The following RNF13 variants were observed in gnomAD, a reference collection of about 807,000 sequenced individuals.
RNF13 encodes E3 ubiquitin-protein ligase RNF13.
RNF13 carries 19 observed loss-of-function variants against 37.7 expected under a neutral mutation model. That is an observed-to-expected ratio of 0.50 (90% CI 0.35 to 0.74). The LOEUF (loss-of-function observed/expected upper bound fraction) is 0.74, where lower values mean the gene tolerates loss of function less well. Among genes scored for constraint, RNF13 ranks in the 30% least tolerant of loss-of-function variants. RNF13 has a pLI of 0.01. For synonymous variants in RNF13, 144 were observed against 157.8 expected (o/e 0.91, Z 0.65); for missense variants, 375 against 453.0 (o/e 0.83, Z 1.56).
intron 8 of RNF13, among the ~76,000 whole-genome samples, chr3:149,940,704 TAAC>T (rs1475719745): frequency 2.6e-5 from 4 of 152,158 alleles, no homozygotes; most frequent in South Asian, 2.1e-4. Flanking sequence ...GAAAAACACA[TAAC>T]AATAAATTTA....
At chr3:149,852,122 G>C (rs1414727264) in intron 2 of RNF13, among the ~76,000 whole-genome samples, 1 of 152,116 alleles carries the variant, frequency 6.6e-6, no homozygotes, top group Admixed American at 6.5e-5. Context: ...TTCATAGCTA[G>C]AGCCAGAAAT....
chr3:149,871,284 C>G (rs919634683), intron 3 of RNF13, among the ~76,000 whole-genome samples: 19 of 151,786 alleles, frequency 1.3e-4, no homozygotes, highest in African/African-American at 4.6e-4. Context: ...TCAGGTGATC[C>G]ATCTGCCTCG....
intron 3 of RNF13, among the ~76,000 whole-genome samples, chr3:149,865,492 G>A (rs1260021614): frequency 2.0e-5 from 3 of 151,826 alleles, no homozygotes; most frequent in Admixed American, 6.6e-5. Context: ...GAGAGAGAGA[G>A]TCTCACTCTG....
chr3:149,874,463 G>A (rs939098778), intron 4 of RNF13, among the ~76,000 whole-genome samples: 1 of 152,220 alleles, frequency 6.6e-6, no homozygotes, highest in Admixed American at 6.5e-5. Flanking sequence ...AGGATTGTTG[G>A]GAGGATCAAA....
intron 4 of RNF13, among the ~76,000 whole-genome samples, chr3:149,873,429 C>G (rs1712317856): frequency 6.6e-6 from 1 of 152,096 alleles, no homozygotes. Context: ...GGCTTGTTAG[C>G]CTTCTTGTCC....
At chr3:149,826,007 A>G (rs1303241031) in intron 1 of RNF13, among the ~76,000 whole-genome samples, 1 of 152,090 alleles carries the variant, frequency 6.6e-6, no homozygotes, top group Non-Finnish European at 1.5e-5. Context: ...AATCATTTAT[A>G]TTGAATACCT....
At chr3:149,878,671 A>G (rs549824469) in intron 4 of RNF13, among the ~76,000 whole-genome samples, 2 of 152,324 alleles carry the variant, frequency 1.3e-5, no homozygotes, top group Admixed American at 1.3e-4. Flanking sequence ...AAGAGATTCT[A>G]CTTCTTAATT....
At chr3:149,859,258 C>A (rs1723977206) in intron 3 of RNF13, among the ~76,000 whole-genome samples, 1 of 152,114 alleles carries the variant, frequency 6.6e-6, no homozygotes, top group Non-Finnish European at 1.5e-5. Flanking sequence ...TCTGGTTATA[C>A]ATGAAATAAG....
At chr3:149,957,757 A>C (rs1055397199) in intron 8 of RNF13, among the ~76,000 whole-genome samples, 29 of 152,208 alleles carry the variant, frequency 1.9e-4, no homozygotes, top group Admixed American at 1.1e-3. Flanking sequence ...TCTTCACAAC[A>C]ACCCTAATAC....
intron 8 of RNF13, among the ~76,000 whole-genome samples, chr3:149,925,080 G>C (rs114308803): frequency 3.3e-5 from 5 of 152,124 alleles, no homozygotes; most frequent in African/African-American, 1.2e-4. Flanking sequence ...AGAGGAGGAG[G>C]TATTGGAGCT....
At chr3:149,882,660 T>C (rs1024896911) in intron 4 of RNF13, among the ~76,000 whole-genome samples, 4 of 152,228 alleles carry the variant, frequency 2.6e-5, no homozygotes, top group African/African-American at 7.2e-5. Context: ...CTTACTAGTA[T>C]TGTGCTATGC....
At chr3:149,921,077 T>C (rs976693948) in intron 7 of RNF13, 57 bp from the exon 8 acceptor site, 18 of 616,014 alleles carry the variant, frequency 2.9e-5, no homozygotes, top group South Asian at 4.5e-5. Flanking sequence ...ATTTTAATGG[T>C]CACTTTCTCT....
In RNF13 at chr3:149,888,910, T is replaced by G. The variant is rs573219046; in HGVS notation, c.322-6563T>G. 1.7e-4 allele frequency among the ~76,000 whole-genome samples: 26 copies of G among 152,332 alleles called. No individual in the cohort carries two copies. In the South Asian group the frequency reaches 5.2e-3, roughly 30 times the overall value. On this transcript the variant is annotated intron_variant, in intron 4 of 9. Transcript: ENST00000392894. ...AACAATGTGAATAGATTGCATTTTA[T>G]TAGAAGTTTGTTTTAAACAACAAGG... is the stretch of plus-strand genomic sequence containing the variant.
rs1403766414 is a variant in RNF13, at chr3:149,927,240, T to C, written c.700+6013T>C. ...ACCTCACGTAAGTGGAATTACCTGATATTTGTCCTGTTTCTGACTTATTTC... is the reference window on the plus strand; with the variant it reads ...ACCTCACGTAAGTGGAATTACCTGACATTTGTCCTGTTTCTGACTTATTTC... On this transcript the variant is annotated intron_variant, in intron 8 of 9. Transcript: ENST00000392894. 2.6e-5 allele frequency among the ~76,000 whole-genome samples: 4 copies of C among 152,260 alleles called. No individual in the cohort carries two copies. The East Asian group carries it at 5.8e-4, about 22-fold the overall frequency.
rs948012367 is a variant in RNF13, at chr3:149,839,774, A to G, written c.-16-6237A>G. Among the ~76,000 whole-genome samples, 7 of 152,094 alleles carry G rather than the reference A, an allele frequency of 4.6e-5. No individual in the cohort carries two copies. The South Asian group carries it at 1.0e-3, about 23-fold the overall frequency. ...TCATAGCTAAGGATTTTTTTAAAGG[A>G]TATCTAATATCTGGGCCATATTTCC... On this transcript the variant is annotated intron_variant, in intron 1 of 9. Coordinates refer to ENST00000392894, the MANE Select transcript of RNF13 (RefSeq NM_183381.3).
chr3:149,829,299 C>A (rs1226427874), intron 1 of RNF13, among the ~76,000 whole-genome samples: 1 of 152,044 alleles, frequency 6.6e-6, no homozygotes, highest in Non-Finnish European at 1.5e-5. Flanking sequence ...AGAGTTTTAT[C>A]ATGTTGGCCA....
chr3:149,869,680 A>G (rs973491689), intron 3 of RNF13, among the ~76,000 whole-genome samples: 6 of 151,144 alleles, frequency 4.0e-5, no homozygotes, highest in African/African-American at 1.5e-4. Flanking sequence ...CCATTTGGGG[A>G]TCATGGTTCC....
intron 6 of RNF13, among the ~76,000 whole-genome samples, chr3:149,906,136 A>G (rs909417699): frequency 6.6e-6 from 1 of 152,172 alleles, no homozygotes; most frequent in African/African-American, 2.4e-5. Context: ...TTCAAGGTTC[A>G]TCATATTGTA....
intron 4 of RNF13, among the ~76,000 whole-genome samples, chr3:149,887,297 T>G (rs1304856880): frequency 6.6e-6 from 1 of 151,918 alleles, no homozygotes. Context: ...TGTCAGAAAA[T>G]CAGTAAGGAA....
Sources: gnomAD v4.1 joint callset for allele counts (sites outside exome capture counted in the v4.1 genomes callset) on GRCh38, gnomAD v4.1.1 for gene constraint, MANE v1.5 for transcripts, NCBI Gene and HGNC (gene_info 2026-07-23, HGNC 2026-07-21) for gene names.